NBAS: variants seen among roughly 807,000 people sequenced by gnomAD.
NBAS encodes NBAS subunit of NRZ tethering complex.
Under a neutral mutation model 302.5 loss-of-function variants are expected in NBAS, and 219 were observed. The ratio of observed to expected loss-of-function variants is 0.72; its 90% confidence interval spans 0.65 to 0.81. The LOEUF is 0.81. Among genes scored for constraint, NBAS ranks in the 30% least tolerant of loss-of-function variants. NBAS has a pLI of 0.00. For synonymous variants in NBAS, 1,118 were observed against 1,021.6 expected (o/e 1.09, Z -1.80); for missense variants, 2,932 against 2,841.6 (o/e 1.03, Z -0.72).
At chr2:15,038,112 CT>C in the NBAS span, among the ~76,000 whole-genome samples, 818 of 118,466 alleles carry the variant, frequency 6.9e-3, 6 homozygotes, top group African/African-American at 9.4e-3. Flanking sequence ...TGACTTTATT[CT>C]TTTTTTTTTT....
chr2:15,134,415 A>G, the NBAS span, among the ~76,000 whole-genome samples: 1 of 151,976 alleles, frequency 6.6e-6, no homozygotes, highest in African/African-American at 2.4e-5. Flanking sequence ...CACCTAGTCT[A>G]TGGTATTTTT....
rs373070091 is a variant in NBAS at position 15,232,527 on chromosome 2, T to G, written c.6147-16A>C. On this transcript the variant is annotated splice_polypyrimidine_tract_variant and intron_variant, in intron 46 of 51. Transcript: ENST00000281513. ...ACTGCCACCACTGTGAAAAGAGAGA[T>G]AAACTGATTCAGAAAAGGATCACTC... is the stretch of plus-strand genomic sequence containing the variant. 1.7e-4 allele frequency: 280 copies of G among 1,607,532 alleles called. No homozygotes were observed. The highest frequency in any genetic ancestry group is 2.2e-4 in the Non-Finnish European group (257 of 1,175,312).
intron 21 of NBAS, among the ~76,000 whole-genome samples, chr2:15,442,471 C>G: frequency 6.6e-6 from 1 of 151,922 alleles, no homozygotes; most frequent in Non-Finnish European, 1.5e-5. Context: ...AAAGACACAA[C>G]ATACCAGAAT....
chr2:15,309,678 T>C (rs1053720346), intron 38 of NBAS, among the ~76,000 whole-genome samples: 16 of 152,210 alleles, frequency 1.1e-4, no homozygotes, highest in African/African-American at 3.9e-4. Flanking sequence ...GTAAATCTTT[T>C]GATTACTACA....
At chr2:15,237,996 C>T (rs1046716247) in intron 45 of NBAS, among the ~76,000 whole-genome samples, 2 of 152,058 alleles carry the variant, frequency 1.3e-5, no homozygotes, top group Admixed American at 6.6e-5. Context: ...AGACTGGTCT[C>T]GAACTCCTGA....
At chr2:14,992,563 C>T in the NBAS span, among the ~76,000 whole-genome samples, 1 of 152,140 alleles carries the variant, frequency 6.6e-6, no homozygotes, top group African/African-American at 2.4e-5. Context: ...TGATATTTCT[C>T]CATTTTCAGG....
chr2:14,883,139 CAT>C, the NBAS span, among the ~76,000 whole-genome samples: 1 of 152,126 alleles, frequency 6.6e-6, no homozygotes, highest in Non-Finnish European at 1.5e-5. Context: ...TATTGAAAGA[CAT>C]GGTAATTTTG....
intron 21 of NBAS, among the ~76,000 whole-genome samples, chr2:15,459,496 A>ATTTTTTTT (rs576706526): frequency 1.9e-4 from 14 of 73,458 alleles, no homozygotes; most frequent in Non-Finnish European, 3.2e-4. Flanking sequence ...CATCCTGAGC[A>ATTTTTTTT]TTTTTTCTTT....
the NBAS span, among the ~76,000 whole-genome samples, chr2:14,953,566 G>T: frequency 6.6e-6 from 1 of 152,144 alleles, no homozygotes; most frequent in South Asian, 2.1e-4. Context: ...TGTGTGTCTG[G>T]TCATCCCCTT....
At chr2:15,179,141 C>A (rs200775035) in intron 50 of NBAS, 25 bp from the exon 51 acceptor site, 5 of 1,613,616 alleles carry the variant, frequency 3.1e-6, no homozygotes, top group Non-Finnish European at 2.5e-6. Flanking sequence ...CAGGGGTGAG[C>A]GAGAACTCCA....
chr2:15,220,428 G>A lies in NBAS; in HGVS notation c.6237-1460C>T, dbSNP rs576005418. 2.0e-4 allele frequency among the ~76,000 whole-genome samples: 31 copies of A among 152,284 alleles called. No homozygotes were observed. The East Asian group carries it at 5.4e-3, about 27-fold the overall frequency. ...AATAATAGTGCTGTAGGACCCCAAA[G>A]CTCCAGTTCTTTCTATCATTTTCCC... On this transcript the variant is annotated intron_variant, in intron 47 of 51. Coordinates refer to ENST00000281513, the MANE Select transcript of NBAS (RefSeq NM_015909.4).
chr2:14,950,885 T>C, the NBAS span, among the ~76,000 whole-genome samples: 42 of 152,216 alleles, frequency 2.8e-4, 2 homozygotes, highest in Non-Finnish European at 2.9e-5. Flanking sequence ...TTATTAAGCA[T>C]GGAGAATTTT....
chr2:15,213,244 A>G (rs796633600), intron 48 of NBAS, among the ~76,000 whole-genome samples: 5 of 152,376 alleles, frequency 3.3e-5, no homozygotes, highest in African/African-American at 1.2e-4. Context: ...AGTGTAGCAC[A>G]GTGCATGTCA....
At chr2:15,243,395 G>C (rs1667949146) in intron 44 of NBAS, among the ~76,000 whole-genome samples, 1 of 151,950 alleles carries the variant, frequency 6.6e-6, no homozygotes, top group East Asian at 1.9e-4. Context: ...AAAATGATGG[G>C]GCTTCCATCA....
At chr2:15,020,413 C>G in the NBAS span, among the ~76,000 whole-genome samples, 2 of 152,128 alleles carry the variant, frequency 1.3e-5, no homozygotes, top group African/African-American at 4.8e-5. Context: ...GCAACAAGAG[C>G]TGGAGCAGGC....
At chr2:15,310,497 A>G (rs1020809113) in intron 38 of NBAS, among the ~76,000 whole-genome samples, 18 of 152,248 alleles carry the variant, frequency 1.2e-4, no homozygotes, top group African/African-American at 3.9e-4. Context: ...CTCAACATCA[A>G]CAAGAACCTT....
chr2:14,791,797 C>A, the NBAS span, among the ~76,000 whole-genome samples: 3 of 136,736 alleles, frequency 2.2e-5, no homozygotes, highest in East Asian at 5.9e-4. Context: ...GAGGGAGACT[C>A]CATCTCATAA....
the NBAS span, among the ~76,000 whole-genome samples, chr2:15,097,882 C>T: frequency 7.7e-6 from 1 of 129,552 alleles, no homozygotes; most frequent in Non-Finnish European, 1.6e-5. Flanking sequence ...GGTAAGTGTC[C>T]ATTAAATGGT....
chr2:15,159,635 T>C, the NBAS span, among the ~76,000 whole-genome samples: 1 of 151,978 alleles, frequency 6.6e-6, no homozygotes, highest in Non-Finnish European at 1.5e-5. Context: ...ATGGGGGAGA[T>C]GTTTAATGAG....
Sources: allele counts gnomAD v4.1 joint callset (sites outside exome capture counted in the v4.1 genomes callset), GRCh38; gene constraint gnomAD v4.1.1; transcripts MANE v1.5; gene names NCBI Gene and HGNC (gene_info 2026-07-23, HGNC 2026-07-21).